Variants in DENND1A observed in about 807,000 individuals in gnomAD.
The protein encoded by DENND1A is DENN domain-containing protein 1A.
Under a neutral mutation model 113.7 loss-of-function variants are expected in DENND1A, and 51 were observed. The observed-to-expected ratio is 0.45, with a 90% CI of 0.36 to 0.57. DENND1A has a LOEUF of 0.57. Ranked by LOEUF, DENND1A falls within the 20% of genes least tolerant of loss-of-function variation. The pLI, the probability that DENND1A is intolerant of heterozygous loss-of-function variation, is 0.00. For missense variants in DENND1A, 1,258 were observed against 1,395.9 expected (o/e 0.90, Z 1.57); for synonymous variants, 565 against 570.8 (o/e 0.99, Z 0.14).
chr9:123,826,883 G>A (rs1443068198), intron 2 of DENND1A, among the ~76,000 whole-genome samples: 2 of 152,134 alleles, frequency 1.3e-5, no homozygotes, highest in Non-Finnish European at 2.9e-5. Flanking sequence ...TATAGAAACA[G>A]ACGAGGAAAT....
Position 123,901,879 on chromosome 9 carries a change from G to A in DENND1A, c.18-22858C>T, listed in dbSNP as rs370735212. Among the ~76,000 whole-genome samples, 102 of 152,172 alleles carry A rather than the reference G, an allele frequency of 6.7e-4. 2 individuals carry two copies. The South Asian group carries it at 0.017, about 25-fold the overall frequency. On this transcript the variant is annotated intron_variant, in intron 1 of 23. Coordinates refer to ENST00000394215, the MANE Select transcript of DENND1A (RefSeq NM_001352964.2). ...AAATTAGCTGGGCACGGTGGTGGGC[G>A]CCTGTAGTCCCAGCTACTCGAGAGG... is the stretch of plus-strand genomic sequence containing the variant.
chr9:123,905,331 G>T (rs1235574308), intron 1 of DENND1A, among the ~76,000 whole-genome samples: 1 of 150,244 alleles, frequency 6.7e-6, no homozygotes, highest in East Asian at 1.9e-4. Flanking sequence ...ACATCATAAT[G>T]ACAGGATCAA....
At chr9:123,766,539 C>T (rs1485358798) in intron 4 of DENND1A, among the ~76,000 whole-genome samples, 1 of 152,114 alleles carries the variant, frequency 6.6e-6, no homozygotes, top group Non-Finnish European at 1.5e-5. Flanking sequence ...GAAATCAAAC[C>T]TCGTTTCCTT....
Position 123,452,349 on chromosome 9 carries a change from T to C in DENND1A, c.1228-2A>G, listed in dbSNP as rs1274653866. On this transcript the variant is annotated splice_acceptor_variant, in intron 16 of 23. Transcript: ENST00000394215. LOFTEE classifies it high-confidence loss of function. Reference sequence around the variant, plus strand: ...ATTCAGAATTGCTCCACTTCCTTTCTATAATAAAAATGTCAATTAGCAATT... The same window carrying C: ...ATTCAGAATTGCTCCACTTCCTTTCCATAATAAAAATGTCAATTAGCAATT... The C allele has an allele frequency of 6.2e-7, 1 of 1,614,054 alleles. No individual in the cohort carries two copies.
intron 2 of DENND1A, among the ~76,000 whole-genome samples, chr9:123,848,747 G>A (rs189890815): frequency 1.3e-5 from 2 of 152,296 alleles, no homozygotes; most frequent in East Asian, 3.9e-4. Context: ...CAAAGGAAAT[G>A]TTCTTGAAGA....
chr9:123,505,996 G>A (rs1170479232), intron 13 of DENND1A, among the ~76,000 whole-genome samples: 6 of 151,716 alleles, frequency 4.0e-5, no homozygotes, highest in Non-Finnish European at 8.8e-5. Context: ...CCCTTCATGC[G>A]CCTGAGCCGA....
chr9:123,760,992 G>A (rs919700146), intron 4 of DENND1A, among the ~76,000 whole-genome samples: 2 of 152,126 alleles, frequency 1.3e-5, no homozygotes, highest in African/African-American at 4.8e-5. Flanking sequence ...TGAATACTAA[G>A]TATCATCCTA....
intron 2 of DENND1A, among the ~76,000 whole-genome samples, chr9:123,818,517 TATACACACACAC>T (rs150151786): frequency 0.01 from 1,278 of 123,138 alleles, 23 homozygotes; most frequent in African/African-American, 0.04. Context: ...TATACATACA[TATACACACACAC>T]ACACACACAC....
chr9:123,649,980 T>G (rs571841387), intron 9 of DENND1A, among the ~76,000 whole-genome samples: 12 of 152,196 alleles, frequency 7.9e-5, no homozygotes, highest in Admixed American at 7.2e-4. Flanking sequence ...TGGCACACAG[T>G]AAGGGATCAA....
chr9:123,402,449 C>A, intron 21 of DENND1A: 2 of 525,980 alleles, frequency 3.8e-6, no homozygotes, highest in East Asian at 5.5e-5. Flanking sequence ...TGCTCCAACT[C>A]TGACTGGGAC....
intron 13 of DENND1A, among the ~76,000 whole-genome samples, chr9:123,510,567 G>C (rs2053373273): frequency 6.6e-6 from 1 of 152,230 alleles, no homozygotes; most frequent in Admixed American, 6.5e-5. Flanking sequence ...GGAGGAAAGT[G>C]ACCTGTATGG....
At chr9:123,700,971 G>A (rs1016971596) in intron 5 of DENND1A, among the ~76,000 whole-genome samples, 3 of 152,238 alleles carry the variant, frequency 2.0e-5, no homozygotes, top group Admixed American at 2.0e-4. Flanking sequence ...TATTATAAAA[G>A]CTTCTGTTTT....
intron 5 of DENND1A, among the ~76,000 whole-genome samples, chr9:123,739,725 T>G (rs537547220): frequency 6.6e-6 from 1 of 152,234 alleles, no homozygotes; most frequent in East Asian, 1.9e-4. Flanking sequence ...CAAAGAACTA[T>G]TAATGAAAGT....
intron 13 of DENND1A, among the ~76,000 whole-genome samples, chr9:123,548,663 A>C (rs2056858585): frequency 6.6e-6 from 1 of 152,278 alleles, no homozygotes; most frequent in South Asian, 2.1e-4. Context: ...GAAACAACCC[A>C]GGTGTCCATT....
At chr9:123,630,205 T>C (rs564116459) in intron 10 of DENND1A, among the ~76,000 whole-genome samples, 171 bp downstream of exon 10, 514 of 46,608 alleles carry the variant, frequency 0.011, 4 homozygotes, top group Non-Finnish European at 0.014. Context: ...CATGACTGGC[T>C]TTTTTTTTTT....
intron 21 of DENND1A, among the ~76,000 whole-genome samples, chr9:123,390,362 C>G (rs1008649407): frequency 6.6e-6 from 1 of 152,222 alleles, no homozygotes; most frequent in Non-Finnish European, 1.5e-5. Flanking sequence ...AAGTGCTCCC[C>G]CTCTGGGCTC....
intron 13 of DENND1A, among the ~76,000 whole-genome samples, chr9:123,516,884 CAAAAAAAAAAAAAAAAAAAAAAAA>C (rs546001517): frequency 1.1e-5 from 1 of 93,412 alleles, no homozygotes. Flanking sequence ...GACTCTGTCT[CAAAAAAAAAAAAAAAAAAAAAAAA>C]AAAAAAAAAA....
intron 1 of DENND1A, among the ~76,000 whole-genome samples, chr9:123,929,307 C>G (rs576628162): frequency 6.6e-6 from 1 of 152,308 alleles, no homozygotes; most frequent in African/African-American, 2.4e-5. Flanking sequence ...CAGAGGTATC[C>G]TCCTTCACAG....
At chr9:123,879,140 T>C (rs2133561409) in intron 1 of DENND1A, 119 bp from the exon 2 acceptor site, 3 of 917,966 alleles carry the variant, frequency 3.3e-6, no homozygotes, top group South Asian at 1.6e-5. Context: ...TTAATGGCCG[T>C]GGAACTTTGG....
Sources: allele counts gnomAD v4.1 joint callset (sites outside exome capture counted in the v4.1 genomes callset), GRCh38; gene constraint gnomAD v4.1.1; transcripts MANE v1.5; gene names NCBI Gene and HGNC (gene_info 2026-07-23, HGNC 2026-07-21).